The following ST18 variants were observed in gnomAD, a reference collection of about 807,000 sequenced individuals.
ST18 encodes suppression of tumorigenicity 18 protein.
A neutral mutation model predicts 110.0 loss-of-function variants in ST18; 50 were observed. The observed-to-expected ratio is 0.45, with a 90% CI of 0.36 to 0.58. The LOEUF is 0.58. ST18 is among the 20% of genes least tolerant of loss of function. The pLI is 0.00. For missense variants in ST18, 1,306 were observed against 1,280.1 expected, an observed-to-expected ratio of 1.02 and a Z score of -0.31; for synonymous variants, 461 against 452.4, an observed-to-expected ratio of 1.02 and a Z score of -0.24.
intron 14 of ST18, among the ~76,000 whole-genome samples, chr8:52,159,886 A>G (rs985740522): frequency 6.6e-6 from 1 of 152,244 alleles, no homozygotes; most frequent in Non-Finnish European, 1.5e-5. Context: ...ATTTGTAAAC[A>G]TCACTCCAGG....
intron 2 of ST18, among the ~76,000 whole-genome samples, chr8:52,389,926 CCAACAACAA>C (rs377203606): frequency 4.6e-5 from 7 of 151,946 alleles, no homozygotes; most frequent in African/African-American, 7.2e-5. Context: ...TATATTTACT[CCAACAACAA>C]CAACAACAAC....
intron 16 of ST18, among the ~76,000 whole-genome samples, chr8:52,149,389 A>T (rs775870440): frequency 5.3e-5 from 8 of 152,250 alleles, no homozygotes; most frequent in Non-Finnish European, 1.2e-4. Context: ...GTTCAGAAAG[A>T]ATTAGTAAGC....
At chr8:52,377,927 T>A (rs756979687) in intron 2 of ST18, among the ~76,000 whole-genome samples, 18 of 152,174 alleles carry the variant, frequency 1.2e-4, no homozygotes, top group Non-Finnish European at 2.1e-4. Context: ...TAAAAAAGAA[T>A]AAGATTCTGT....
At chr8:52,142,411 T>G (rs1026366201) in intron 17 of ST18, among the ~76,000 whole-genome samples, 1 of 152,170 alleles carries the variant, frequency 6.6e-6, no homozygotes, top group Non-Finnish European at 1.5e-5. Flanking sequence ...CAGCTTTAAA[T>G]AGATTTATAT....
intron 2 of ST18, among the ~76,000 whole-genome samples, chr8:52,310,033 C>T (rs2095878124): frequency 6.6e-6 from 1 of 152,102 alleles, no homozygotes; most frequent in Non-Finnish European, 1.5e-5. Flanking sequence ...ATTCAGAGGC[C>T]ATGTTTAGTC....
chr8:52,343,537 C>T (rs1363944761), intron 2 of ST18, among the ~76,000 whole-genome samples: 2 of 152,198 alleles, frequency 1.3e-5, no homozygotes, highest in Non-Finnish European at 2.9e-5. Flanking sequence ...CGAGCAAAGT[C>T]CCCGTGGCCA....
At chr8:52,214,104 T>G (rs1225410980) in intron 7 of ST18, 99 bp downstream of exon 7, 2 of 1,292,416 alleles carry the variant, frequency 1.5e-6, no homozygotes, top group African/African-American at 3.0e-5. Flanking sequence ...CCTGAGGAAG[T>G]TGTAATCATT....
At chr8:52,223,574 G>A (rs1284287588) in intron 3 of ST18, among the ~76,000 whole-genome samples, 2 of 151,668 alleles carry the variant, frequency 1.3e-5, no homozygotes, top group Non-Finnish European at 2.9e-5. Context: ...AGCCCAGGAG[G>A]CAGAGGTTGC....
At chr8:52,403,217 G>A (rs947623794) in intron 2 of ST18, 2 of 152,310 alleles carry the variant, frequency 1.3e-5, no homozygotes, top group East Asian at 1.9e-4. Context: ...TGAAAGCATG[G>A]TGCAATGGTG....
At chr8:52,383,305 G>C (rs922937339) in intron 2 of ST18, among the ~76,000 whole-genome samples, 3 of 152,210 alleles carry the variant, frequency 2.0e-5, no homozygotes, top group African/African-American at 4.8e-5. Context: ...CTTTCTCCAA[G>C]AAAAATACAT....
intron 2 of ST18, among the ~76,000 whole-genome samples, chr8:52,311,041 C>A (rs915996094): frequency 1.3e-5 from 2 of 152,150 alleles, no homozygotes; most frequent in Non-Finnish European, 2.9e-5. Context: ...CACATGGAAA[C>A]GAACTAAAGA....
chr8:52,319,130 T>G (rs1217061572), intron 2 of ST18, among the ~76,000 whole-genome samples: 3 of 152,188 alleles, frequency 2.0e-5, no homozygotes, highest in Non-Finnish European at 4.4e-5. Flanking sequence ...AGGACACTAT[T>G]CAGAAAACAA....
intron 2 of ST18, among the ~76,000 whole-genome samples, chr8:52,303,427 T>G (rs1347298637): frequency 6.6e-6 from 1 of 152,240 alleles, no homozygotes; most frequent in Non-Finnish European, 1.5e-5. Flanking sequence ...GACCTTATCT[T>G]AACTGGATTA....
At chr8:52,356,407 A>T (rs765776336) in intron 2 of ST18, among the ~76,000 whole-genome samples, 1 of 152,160 alleles carries the variant, frequency 6.6e-6, no homozygotes, top group South Asian at 2.1e-4. Flanking sequence ...TACACACACA[A>T]AGTCAGACTT....
At chr8:52,400,858 C>A (rs555984722) in intron 2 of ST18, among the ~76,000 whole-genome samples, 10 of 152,200 alleles carry the variant, frequency 6.6e-5, no homozygotes, top group Admixed American at 3.9e-4. Context: ...GATTTACACG[C>A]CACCACTACA....
chr8:52,261,494 A>G (rs2094692469), intron 2 of ST18, among the ~76,000 whole-genome samples: 1 of 152,138 alleles, frequency 6.6e-6, no homozygotes, highest in South Asian at 2.1e-4. Context: ...TGCTTGTTCT[A>G]TGTTAACTTC....
chr8:52,209,053 A>G (rs2081188531), intron 8 of ST18, among the ~76,000 whole-genome samples: 1 of 152,226 alleles, frequency 6.6e-6, no homozygotes, highest in Non-Finnish European at 1.5e-5. Flanking sequence ...AGTTAAAATG[A>G]AATATGTGAC....
At chr8:52,367,044 C>T (rs1420922084) in intron 2 of ST18, among the ~76,000 whole-genome samples, 3 of 152,136 alleles carry the variant, frequency 2.0e-5, no homozygotes, top group Admixed American at 2.0e-4. Flanking sequence ...ACTAGCCTGA[C>T]GAACATGGTG....
At chr8:52,136,263 G>A (rs1479437098) in intron 19 of ST18, among the ~76,000 whole-genome samples, 1 of 152,136 alleles carries the variant, frequency 6.6e-6, no homozygotes. Flanking sequence ...AAATTAAATG[G>A]CAGGTATGCT....
Sources: gnomAD v4.1 joint callset for allele counts (sites outside exome capture counted in the v4.1 genomes callset) on GRCh38, gnomAD v4.1.1 for gene constraint, MANE v1.5 for transcripts, NCBI Gene and HGNC (gene_info 2026-07-23, HGNC 2026-07-21) for gene names.